The following KDM2A variants were observed in gnomAD, a reference collection of about 807,000 sequenced individuals.
The protein encoded by KDM2A is lysine demethylase 2A, also known as lysine-specific demethylase 2A.
KDM2A carries 3 observed loss-of-function variants against 137.3 expected under a neutral mutation model. That is an observed-to-expected ratio of 0.02 (90% CI 0.01 to 0.06). The LOEUF (loss-of-function observed/expected upper bound fraction) is 0.06, where lower values mean the gene tolerates loss of function less well. KDM2A is among the 10% of genes least tolerant of loss of function. The probability of loss-of-function intolerance (pLI) is 1.00; values close to 1 mark genes in which losing one functional copy is unlikely to be tolerated. For synonymous variants in KDM2A, 512 were observed against 541.5 expected (o/e 0.95, Z 0.76); for missense variants, 738 against 1,510.6 (o/e 0.49, Z 8.48).
intron 16 of KDM2A, chr11:67,248,571 C>T (rs1859318075): frequency 1.9e-6 from 1 of 520,194 alleles, no homozygotes. Flanking sequence ...TTTTGTATTA[C>T]TAAATGTTGT....
chr11:67,218,911 G>A (rs1858249524), intron 9 of KDM2A, among the ~76,000 whole-genome samples: 1 of 152,232 alleles, frequency 6.6e-6, no homozygotes, highest in African/African-American at 2.4e-5. Context: ...GCCAGGTCAT[G>A]TTAGCGTATT....
At chr11:67,234,970 C>T (rs1305567308) in intron 12 of KDM2A, among the ~76,000 whole-genome samples, 2 of 151,654 alleles carry the variant, frequency 1.3e-5, no homozygotes, top group African/African-American at 4.8e-5. Flanking sequence ...CATGGTGAAA[C>T]CCCGTCTCTA....
intron 15 of KDM2A, 97 bp from the exon 16 acceptor site, chr11:67,248,184 T>A: frequency 2.3e-6 from 2 of 878,382 alleles, no homozygotes; most frequent in Non-Finnish European, 3.6e-6. Flanking sequence ...TATGGACCAA[T>A]GTTGTTGAGA....
rs1590838994 is a variant in KDM2A at position 67,257,528 on chromosome 11, A to G, written c.*2473A>G. 1 of 152,654 alleles carries G rather than the reference A, an allele frequency of 6.6e-6. No individual in the cohort carries two copies. The highest frequency in any genetic ancestry group is 2.4e-5 in the African/African-American group (1 of 41,540). 9.5% of individuals were successfully genotyped at this position (152,654 alleles called of 1,614,324 possible). A position where few individuals can be genotyped will look rare whatever the true frequency, so the allele number is the denominator to read the frequency against. ...GCCTGCCCTCAGACTGCAGGACCAG[A>G]ACCCCTGCCTCCATCTTTCCAAGCA... On this transcript the variant is annotated 3_prime_UTR_variant, in exon 21 of 21. Coordinates refer to ENST00000529006, the MANE Select transcript of KDM2A (RefSeq NM_012308.3).
intron 9 of KDM2A, 65 bp downstream of exon 9, chr11:67,217,949 G>T: frequency 7.3e-7 from 1 of 1,368,644 alleles, no homozygotes; most frequent in Middle Eastern, 1.9e-4. Context: ...GAAATTGATG[G>T]ATTACCACCA....
At chr11:67,230,288 C>A (rs1235993019) in intron 11 of KDM2A, among the ~76,000 whole-genome samples, 25 of 152,028 alleles carry the variant, frequency 1.6e-4, no homozygotes, top group Admixed American at 1.6e-3. Flanking sequence ...AGTTCAAGAC[C>A]AGCTTAGGCA....
At chr11:67,215,683 A>G in intron 7 of KDM2A, 173 bp from the exon 8 acceptor site, 1 of 672,650 alleles carries the variant, frequency 1.5e-6, no homozygotes. Context: ...AGAAAAAAAA[A>G]AAACCTTTTT....
chr11:67,145,988 G>C (rs73493541), intron 2 of KDM2A, among the ~76,000 whole-genome samples: 1 of 131,470 alleles, frequency 7.6e-6, no homozygotes, highest in Non-Finnish European at 1.7e-5. Context: ...TTTTTGTTTT[G>C]TTTTTTTTTG....
intron 12 of KDM2A, among the ~76,000 whole-genome samples, chr11:67,238,258 C>T (rs1416446222): frequency 1.3e-5 from 2 of 151,902 alleles, no homozygotes; most frequent in Non-Finnish European, 1.5e-5. Flanking sequence ...TCCTAGTGCC[C>T]GATGTGATTT....
chr11:67,182,432 T>C (rs1397257279), intron 5 of KDM2A, among the ~76,000 whole-genome samples: 3 of 152,132 alleles, frequency 2.0e-5, no homozygotes, highest in Admixed American at 1.3e-4. Context: ...GTTAGTAAAG[T>C]TTCAGCCTAG....
At chr11:67,248,602 TC>T in intron 16 of KDM2A, 1 of 466,162 alleles carries the variant, frequency 2.1e-6, no homozygotes, top group South Asian at 2.4e-5. Flanking sequence ...ATCTGCAAAT[TC>T]CTAAGGTCCT....
At chr11:67,163,068 C>T (rs1299589212) in intron 2 of KDM2A, among the ~76,000 whole-genome samples, 1 of 152,154 alleles carries the variant, frequency 6.6e-6, no homozygotes, top group African/African-American at 2.4e-5. Context: ...TTAGTTACTT[C>T]TCTTCTCCTT....
At chr11:67,242,951 T>C in intron 12 of KDM2A, 58 bp from the exon 13 acceptor site, 1 of 1,314,826 alleles carries the variant, frequency 7.6e-7, no homozygotes, top group East Asian at 2.3e-5. Context: ...CTGTTCAGGG[T>C]GGTTGGCTCT....
chr11:67,199,497 T>C (rs988844681), intron 5 of KDM2A, among the ~76,000 whole-genome samples: 1 of 152,172 alleles, frequency 6.6e-6, no homozygotes, highest in African/African-American at 2.4e-5. Context: ...AACAGCCTTA[T>C]CACTGATAAC....
chr11:67,155,398 TC>T (rs1856489613), intron 2 of KDM2A, among the ~76,000 whole-genome samples: 1 of 151,510 alleles, frequency 6.6e-6, no homozygotes, highest in African/African-American at 2.4e-5. Context: ...AGCGTCATAC[TC>T]CTAGGCTCAA....
chr11:67,153,784 C>T (rs1856451010), intron 2 of KDM2A, among the ~76,000 whole-genome samples: 1 of 147,116 alleles, frequency 6.8e-6, no homozygotes, highest in South Asian at 2.2e-4. Flanking sequence ...CACTGCATTC[C>T]AGCCTTGAGT....
chr11:67,196,727 G>A, intron 5 of KDM2A: 1 of 290,920 alleles, frequency 3.4e-6, no homozygotes, highest in Non-Finnish European at 6.8e-6. Context: ...AGGGCAATGG[G>A]GACTTAAAAC....
At chr11:67,195,725 T>C (rs1857463838) in intron 5 of KDM2A, 2 of 170,250 alleles carry the variant, frequency 1.2e-5, no homozygotes, top group African/African-American at 4.8e-5. Context: ...CTGTTAGAAC[T>C]TTAGTTATAT....
At chr11:67,221,646 A>C (rs1010101594) in intron 10 of KDM2A, among the ~76,000 whole-genome samples, 1 of 152,192 alleles carries the variant, frequency 6.6e-6, no homozygotes, top group Middle Eastern at 3.2e-3. Flanking sequence ...ACATTTTATA[A>C]AAGTACATTT....
Sources: gnomAD v4.1 joint callset for allele counts (sites outside exome capture counted in the v4.1 genomes callset) on GRCh38, gnomAD v4.1.1 for gene constraint, MANE v1.5 for transcripts, NCBI Gene and HGNC (gene_info 2026-07-23, HGNC 2026-07-21) for gene names.